The following OSR1 variants were observed in gnomAD, a reference collection of about 807,000 sequenced individuals.
The protein encoded by OSR1 is odd-skipped related transcription factor 1.
A neutral mutation model predicts 15.7 loss-of-function variants in OSR1; 3 were observed. The ratio of observed to expected loss-of-function variants is 0.19; its 90% CI spans 0.09 to 0.50. The LOEUF is 0.50. Among genes scored for constraint, OSR1 ranks in the 20% least tolerant of loss-of-function variants. The pLI, the probability that OSR1 is intolerant of heterozygous loss-of-function variation, is 0.97. For missense variants in OSR1, 271 were observed against 351.1 expected, an observed-to-expected ratio of 0.77 and a Z score of 1.82; for synonymous variants, 166 against 152.7, an observed-to-expected ratio of 1.09 and a Z score of -0.64.
At chr2:19,348,368 A>G (rs1206848726), downstream of OSR1, 1 of 154,362 alleles carries the variant, frequency 6.5e-6, no homozygotes, top group African/African-American at 2.4e-5. Context: ...GGCGGGGCCC[A>G]TCTGTGACGT....
intron 1 of OSR1, chr2:19,354,223 T>TA (rs1268349882): frequency 5.7e-6 from 1 of 175,918 alleles, no homozygotes; most frequent in African/African-American, 2.4e-5. Context: ...CCTGCAAAGA[T>TA]AACAGGAGCT....
At chr2:19,348,286 C>A, downstream of OSR1, 1 of 150,760 alleles carries the variant, frequency 6.6e-6, no homozygotes, top group South Asian at 2.1e-4. Flanking sequence ...CGAACCGATT[C>A]GTGGCGCCTG....
intron 2 of OSR1, 98 bp downstream of exon 2, chr2:19,353,043 G>C: frequency 7.2e-7 from 1 of 1,396,636 alleles, no homozygotes; most frequent in Non-Finnish European, 9.8e-7. Flanking sequence ...AGCTCCAGAG[G>C]CTTGGAGCCA....
In OSR1 at chr2:19,353,668, C is replaced by T. The variant is rs34456793; in HGVS notation, c.138G>A (p.Ala46=). The T allele has an allele frequency of 1.2e-4, 188 of 1,614,212 alleles. No homozygotes were observed. In the African/African-American group the frequency reaches 2.0e-3, roughly 17 times the overall value. ...DHLPNLYGFS[A]LHAVHLHQWT... is the part of the protein sequence containing the mutation. Reference sequence around the variant, plus strand: ...ACTGATGCAGGTGCACAGCGTGCAACGCGCTGAAACCATACAGGTTGGGCA... The same window carrying T: ...ACTGATGCAGGTGCACAGCGTGCAATGCGCTGAAACCATACAGGTTGGGCA... Residue 46 remains alanine, a synonymous_variant, in exon 2 of 3, where the codon GCG becomes GCA. Transcript: ENST00000272223.
rs1440235765 is a variant in OSR1, at chr2:19,358,357, C to G, written c.-49G>C. 1.3e-5 allele frequency: 2 copies of G among 152,400 alleles called. No individual in the cohort carries two copies. Among genetic ancestry groups the G allele is most frequent in the East Asian group, 3.9e-4 (2 of 5,178 alleles). 9.4% of individuals were successfully genotyped at this position (152,400 alleles called of 1,614,324 possible). A position where few individuals can be genotyped will look rare whatever the true frequency, so the allele number is the denominator to read the frequency against. ...TGCAATTACCTTGTTCCGCAGAGGT[C>G]CTGGGGCTGAGCACGTCTCTGGGGC... On this transcript the variant is annotated 5_prime_UTR_variant, in exon 1 of 3. Coordinates refer to ENST00000272223, the MANE Select transcript of OSR1 (RefSeq NM_145260.3).
rs1288487955 is a variant in OSR1 at position 19,351,501 on chromosome 2, GTTTA to G, written c.*770_*773del. On this transcript the variant is annotated 3_prime_UTR_variant, in exon 3 of 3. Coordinates refer to ENST00000272223, the MANE Select transcript of OSR1 (RefSeq NM_145260.3). ...ATCCTGCAATGCCTGTAAAATAACC[GTTTA>G]TTTAATAGTTAAAAAAAAAAAAAAC... 2 of 136,996 alleles carry G rather than the reference GTTTA, an allele frequency of 1.5e-5. No individual in the cohort carries two copies. The highest frequency in any genetic ancestry group is 1.6e-4 in the Admixed American group (2 of 12,660). 8.5% of individuals were successfully genotyped at this position (136,996 alleles called of 1,614,324 possible).
At chr2:19,348,634 T>G (rs145798396), downstream of OSR1, 66 of 154,236 alleles carry the variant, frequency 4.3e-4, 3 homozygotes, top group African/African-American at 1.4e-3. Context: ...ATTGCGTCCC[T>G]CCCCACAATG....
downstream of OSR1, among the ~76,000 whole-genome samples, chr2:19,347,610 G>C (rs181459484): frequency 6.6e-6 from 1 of 152,366 alleles, no homozygotes; most frequent in East Asian, 1.9e-4. Flanking sequence ...GGGCTCTAGA[G>C]ACGGCCCAGG....
chr2:19,355,514 T>G (rs1664930630), intron 1 of OSR1: 1 of 152,328 alleles, frequency 6.6e-6, no homozygotes, highest in Non-Finnish European at 1.5e-5. Flanking sequence ...AGGGCAATGT[T>G]GACCCAGGAA....
Position 19,352,216 on chromosome 2 carries a change from T to C in OSR1, c.*59A>G. 1 of 1,574,294 alleles carries C rather than the reference T, an allele frequency of 6.4e-7. No individual in the cohort carries two copies. Among genetic ancestry groups the C allele is most frequent in the Non-Finnish European group, 8.7e-7 (1 of 1,152,652 alleles). On this transcript the variant is annotated 3_prime_UTR_variant, in exon 3 of 3. Transcript: ENST00000272223. ...CCGCTGCCCGCCAGAGTCAGGCTTC[T>C]GGTCCCTATGGAGGAGAGGGCCGCT...
At chr2:19,355,920 A>G (rs1664940246) in intron 1 of OSR1, 1 of 152,246 alleles carries the variant, frequency 6.6e-6, no homozygotes. Context: ...GAAGGAGGAG[A>G]AGCCTGTCTA....
chr2:19,357,634 T>G lies in OSR1; in HGVS notation c.-33+707A>C, dbSNP rs1664977542. 6.6e-6 allele frequency: 1 copy of G among 152,254 alleles called. No homozygotes were observed. The highest frequency in any genetic ancestry group is 2.4e-5 in the African/African-American group (1 of 41,450). The allele number at this position is 152,254 out of a possible 1,614,324, so 9.4% of individuals were successfully genotyped here. A position where few individuals can be genotyped will look rare whatever the true frequency, so the allele number is the denominator to read the frequency against. The stretch of plus-strand genomic sequence containing the variant: ...TTTCCACTAGTGCTGTGTGTGGGTC[T>G]CGAATTGGAAAGCAGTGCTTGCGCC... On this transcript the variant is annotated intron_variant, in intron 1 of 2. Transcript: ENST00000272223. This position sits in a 1 kb window ranked among gnomAD's most constrained non-coding sequence, Gnocchi z 5.0.
chr2:19,353,882 A>G, intron 1 of OSR1, 45 bp from the exon 2 acceptor site: 2 of 1,452,388 alleles, frequency 1.4e-6, no homozygotes, highest in Non-Finnish European at 1.8e-6. Context: ...GGAATAAAGA[A>G]GTTCAGGGTG....
Position 19,353,705 on chromosome 2 carries a change from G to T in OSR1, c.101C>A (p.Pro34His). 6.2e-7 allele frequency: 1 copy of T among 1,614,162 alleles called. No homozygotes were observed. ...ATACAGGTTGGGCAGATGGTCCGAA[G>T]GCACTGTGGGCAGGCCGTTCACTGC... ...LQAVNGLPTV[P>H]SDHLPNLYGF... The change falls in exon 2 of 3, where the codon CCT becomes CAT. Residue 34 changes from proline (P) to histidine (H), a missense_variant. Coordinates refer to ENST00000272223, the MANE Select transcript of OSR1 (RefSeq NM_145260.3).
intron 2 of OSR1, 51 bp downstream of exon 2, chr2:19,353,090 G>A (rs1374550200): frequency 3.2e-6 from 5 of 1,587,188 alleles, no homozygotes; most frequent in East Asian, 2.2e-5. Context: ...GGAGAAAGAT[G>A]GTGAGGCCAG....
At chr2:19,356,799 G>A (rs929689786) in intron 1 of OSR1, 6 of 152,326 alleles carry the variant, frequency 3.9e-5, no homozygotes, top group African/African-American at 1.4e-4. Context: ...CGTCCCTCGC[G>A]CGGTGGAGCG....
At chr2:19,350,109 T>C (rs115865815), downstream of OSR1, among the ~76,000 whole-genome samples, 292 of 152,276 alleles carry the variant, frequency 1.9e-3, no homozygotes, top group African/African-American at 6.8e-3. Context: ...GCCCAACTAA[T>C]GAAGATCCCT....
At position 19,352,184 on chromosome 2, in the gene OSR1, G is replaced by T; in HGVS notation, c.*91C>A. ...GAGAGGTGGAAGGTCCCGAGCGAGC[G>T]CCTCTCCCGCTGCCCGCCAGAGTCA... On this transcript the variant is annotated 3_prime_UTR_variant, in exon 3 of 3. Transcript: ENST00000272223. The T allele has an allele frequency of 7.0e-7, 1 of 1,426,636 alleles. No homozygotes were observed. The highest frequency in any genetic ancestry group is 9.6e-7 in the Non-Finnish European group (1 of 1,042,848). The allele number at this position is 1,426,636 out of a possible 1,614,324, so 88.4% of individuals were successfully genotyped here.
intron 2 of OSR1, 83 bp from the exon 3 acceptor site, chr2:19,352,493 G>A (rs1558359332): frequency 1.3e-6 from 2 of 1,519,514 alleles, no homozygotes; most frequent in Non-Finnish European, 1.8e-6. Flanking sequence ...CCACTGCTGT[G>A]GGGCACTTGC....
Sources: gnomAD v4.1 joint callset for allele counts (sites outside exome capture counted in the v4.1 genomes callset) on GRCh38, gnomAD v4.1.1 for gene constraint, Gnocchi (gnomAD v3.1) non-coding constraint, MANE v1.5 for transcripts, NCBI Gene and HGNC (gene_info 2026-07-23, HGNC 2026-07-21) for gene names.